UPRT: variants seen among roughly 807,000 people sequenced by gnomAD.
The protein encoded by UPRT is RP11-311P8.3.
UPRT carries 5 observed loss-of-function variants against 22.6 expected under a neutral mutation model. That is an observed-to-expected ratio of 0.22 (90% confidence interval 0.12 to 0.47). The LOEUF is 0.47. Among genes scored for constraint, UPRT ranks in the 20% least tolerant of loss-of-function variants. The pLI is 0.99. For missense variants in UPRT, 181 were observed against 239.9 expected, an observed-to-expected ratio of 0.75 and a Z score of 1.62; for synonymous variants, 77 against 87.7, an observed-to-expected ratio of 0.88 and a Z score of 0.68.
chrX:75,196,740 G>A lies in UPRT; in HGVS notation c.-447+28861G>A, dbSNP rs150890222. Among the ~76,000 whole-genome samples, 491 of 111,100 alleles carry A rather than the reference G, an allele frequency of 4.4e-3. 2 individuals carry two copies. Among genetic ancestry groups the A allele is most frequent in the African/African-American group, 0.015 (467 of 30,555 alleles). On this transcript the variant is annotated intron_variant, in intron 4 of 13. Transcript: ENST00000652605. ...CACGTGCTTATAATCCCAGCCACTCGGGAGGCTGAGGCATGAGAATCACTT... is the reference window on the plus strand; with the variant it reads ...CACGTGCTTATAATCCCAGCCACTCAGGAGGCTGAGGCATGAGAATCACTT...
intron 4 of UPRT, among the ~76,000 whole-genome samples, chrX:75,186,965 A>C (rs1390930500): frequency 1.8e-5 from 2 of 110,634 alleles, no homozygotes; most frequent in Non-Finnish European, 1.9e-5. Flanking sequence ...ATGGGTCTTG[A>C]CTCTTTATCC....
intron 5 of UPRT, among the ~76,000 whole-genome samples, chrX:75,300,499 T>C (rs2082740236): frequency 8.9e-6 from 1 of 112,035 alleles, no homozygotes; most frequent in African/African-American, 3.3e-5. Flanking sequence ...TTCAAAGACA[T>C]TTTGTGGCCG....
chrX:75,280,064 A>G (rs749449585), intron 1 of UPRT, among the ~76,000 whole-genome samples: 1 of 108,581 alleles, frequency 9.2e-6, no homozygotes, highest in African/African-American at 3.3e-5. Context: ...GGCCATTTGT[A>G]TATCTTCTTT....
At chrX:75,174,186 C>G (rs1423027773) in intron 4 of UPRT, among the ~76,000 whole-genome samples, 1 of 111,969 alleles carries the variant, frequency 8.9e-6, no homozygotes, top group African/African-American at 3.2e-5. Flanking sequence ...ACAGGACACC[C>G]CAACTGCTGT....
intron 4 of UPRT, among the ~76,000 whole-genome samples, chrX:75,232,634 C>T (rs1433745302): frequency 8.9e-6 from 1 of 112,298 alleles, no homozygotes; most frequent in East Asian, 2.8e-4. Flanking sequence ...GACCCCTGAT[C>T]CCCAAGCAGC....
chrX:75,279,133 C>G (rs1244232745), intron 1 of UPRT, among the ~76,000 whole-genome samples: 1 of 110,831 alleles, frequency 9.0e-6, no homozygotes, highest in Non-Finnish European at 1.9e-5. Context: ...GCCAGTCTCC[C>G]TTGTGTGCTG....
intron 4 of UPRT, among the ~76,000 whole-genome samples, chrX:75,185,621 G>A (rs1454773049): frequency 1.8e-5 from 2 of 111,895 alleles, no homozygotes; most frequent in Non-Finnish European, 3.8e-5. Context: ...TGTACCTCTG[G>A]TAGAATTCCG....
chrX:75,251,090 C>A (rs752717268), intron 4 of UPRT, among the ~76,000 whole-genome samples: 1 of 111,290 alleles, frequency 9.0e-6, no homozygotes, highest in African/African-American at 3.3e-5. Flanking sequence ...CTATGACAAA[C>A]CCACAGCCAA....
At chrX:75,185,480 C>A (rs1435312135) in intron 4 of UPRT, among the ~76,000 whole-genome samples, 2 of 111,660 alleles carry the variant, frequency 1.8e-5, no homozygotes, top group African/African-American at 6.5e-5. Context: ...GTCTAAAATT[C>A]TCTTTTTTGG....
At chrX:75,286,708 A>G (rs1413876846) in intron 1 of UPRT, among the ~76,000 whole-genome samples, 3 of 111,949 alleles carry the variant, frequency 2.7e-5, no homozygotes, top group Non-Finnish European at 5.6e-5. Flanking sequence ...TCGGAGTCAC[A>G]GGGAGAGAAG....
intron 4 of UPRT, among the ~76,000 whole-genome samples, chrX:75,210,931 T>C (rs2082378742): frequency 9.0e-6 from 1 of 111,421 alleles, no homozygotes; most frequent in African/African-American, 3.3e-5. Context: ...GTTGTCCAGG[T>C]TACACTAGGG....
At chrX:75,161,729 A>G (rs1373259635) in intron 2 of UPRT, among the ~76,000 whole-genome samples, 1 of 111,876 alleles carries the variant, frequency 8.9e-6, no homozygotes, top group Non-Finnish European at 1.9e-5. Flanking sequence ...ACATTAAAGA[A>G]CTTTCCCAAG....
chrX:75,232,078 G>A (rs1311241274), intron 4 of UPRT, among the ~76,000 whole-genome samples: 2 of 111,616 alleles, frequency 1.8e-5, no homozygotes, highest in Admixed American at 9.5e-5. Context: ...GTCAGTGGGT[G>A]AACTCACCAT....
At chrX:75,189,517 G>C (rs903283654) in intron 4 of UPRT, among the ~76,000 whole-genome samples, 2 of 111,874 alleles carry the variant, frequency 1.8e-5, no homozygotes, top group Admixed American at 9.5e-5. Context: ...GCAGAGCTGA[G>C]TTCAATTCCT....
chrX:75,190,592 C>A (rs1053962928), intron 4 of UPRT, among the ~76,000 whole-genome samples: 1 of 112,231 alleles, frequency 8.9e-6, no homozygotes, highest in Admixed American at 9.4e-5. Context: ...TGGTTCCATT[C>A]TCCCTGTCAC....
At chrX:75,171,052 A>G (rs1443408492) in intron 4 of UPRT, among the ~76,000 whole-genome samples, 1 of 111,512 alleles carries the variant, frequency 9.0e-6, no homozygotes, top group Non-Finnish European at 1.9e-5. Context: ...ATGTACCTAG[A>G]CAATGATCTT....
intron 4 of UPRT, among the ~76,000 whole-genome samples, chrX:75,220,337 A>T (rs1167139285): frequency 4.5e-5 from 5 of 110,954 alleles, no homozygotes; most frequent in African/African-American, 1.3e-4. Context: ...AGATCAATGC[A>T]TCTTGATTTT....
chrX:75,246,278 C>G (rs1378843665), intron 4 of UPRT, among the ~76,000 whole-genome samples: 2 of 84,536 alleles, frequency 2.4e-5, no homozygotes, highest in Non-Finnish European at 4.4e-5. Context: ...CGACAGGCCT[C>G]GGTGTGTGAT....
At chrX:75,228,382 C>G (rs759915830) in intron 4 of UPRT, among the ~76,000 whole-genome samples, 1 of 111,599 alleles carries the variant, frequency 9.0e-6, no homozygotes, top group Non-Finnish European at 1.9e-5. Context: ...TCTAGTCAAG[C>G]TAGACATGAC....
Sources: gnomAD v4.1 joint callset for allele counts (sites outside exome capture counted in the v4.1 genomes callset) on GRCh38, gnomAD v4.1.1 for gene constraint, MANE v1.5 for transcripts, NCBI Gene and HGNC (gene_info 2026-07-23, HGNC 2026-07-21) for gene names.